RPRD1A: variants seen among roughly 807,000 people sequenced by gnomAD.
The protein encoded by RPRD1A is regulation of nuclear pre-mRNA domain-containing protein 1A.
A neutral mutation model predicts 37.8 loss-of-function variants in RPRD1A; 9 were observed. That is an observed-to-expected ratio of 0.24 (90% CI 0.14 to 0.42). The LOEUF is 0.42. Among genes scored for constraint, RPRD1A ranks in the 10% least tolerant of loss-of-function variants. The probability of loss-of-function intolerance (pLI) is 1.00; values close to 1 mark genes in which losing one functional copy is unlikely to be tolerated. For missense variants in RPRD1A, 255 were observed against 371.0 expected, an observed-to-expected ratio of 0.69 and a Z score of 2.57; for synonymous variants, 138 against 139.7, an observed-to-expected ratio of 0.99 and a Z score of 0.08.
rs570003650 is a variant in RPRD1A at position 36,021,756 on chromosome 18, T to C, written c.789+5144A>G. On this transcript the variant is annotated intron_variant, in intron 6 of 6. Transcript: ENST00000399022. Reference sequence around the variant, plus strand: ...GCTCATGCCTGTAATCTTAGCACTTTGGGAGGCTGAGGCAGGAGGACTGTT... The same window carrying C: ...GCTCATGCCTGTAATCTTAGCACTTCGGGAGGCTGAGGCAGGAGGACTGTT... Among the ~76,000 whole-genome samples, 5 of 152,252 alleles carry C rather than the reference T, an allele frequency of 3.3e-5. No individual in the cohort carries two copies. In the East Asian group the frequency reaches 7.7e-4, roughly 23 times the overall value.
chr18:36,020,953 A>G (rs1009250308), intron 6 of RPRD1A, among the ~76,000 whole-genome samples: 3 of 152,232 alleles, frequency 2.0e-5, no homozygotes, highest in Admixed American at 1.3e-4. Context: ...CAGAGCCCAT[A>G]AACAGGGCTA....
intron 6 of RPRD1A, among the ~76,000 whole-genome samples, chr18:36,016,498 C>T (rs867578088): frequency 3.9e-5 from 6 of 152,194 alleles, no homozygotes; most frequent in Admixed American, 1.3e-4. Flanking sequence ...GCTGGGATTA[C>T]AGGCATGAGC....
At chr18:36,016,896 C>A (rs1461014450) in intron 6 of RPRD1A, among the ~76,000 whole-genome samples, 1 of 152,008 alleles carries the variant, frequency 6.6e-6, no homozygotes, top group Non-Finnish European at 1.5e-5. Context: ...CAGTCTGATT[C>A]TATCCTTCTA....
chr18:36,019,723 G>T (rs1290152269), intron 6 of RPRD1A, among the ~76,000 whole-genome samples: 1 of 152,164 alleles, frequency 6.6e-6, no homozygotes, highest in Non-Finnish European at 1.5e-5. Flanking sequence ...GAGGAAAGTG[G>T]ACCACAGCAT....
At chr18:36,067,119 C>G (rs1227113586) in intron 1 of RPRD1A, 135 bp downstream of exon 1, 7 of 850,266 alleles carry the variant, frequency 8.2e-6, no homozygotes, top group Non-Finnish European at 1.1e-5. Flanking sequence ...GCACGCAGCT[C>G]CTCCAAGCCC....
intron 1 of RPRD1A, among the ~76,000 whole-genome samples, chr18:36,053,339 C>T (rs1319118486): frequency 6.6e-6 from 1 of 152,136 alleles, no homozygotes; most frequent in Admixed American, 6.5e-5. Context: ...ATTCCCCATT[C>T]CTCTCTTCAC....
intron 1 of RPRD1A, among the ~76,000 whole-genome samples, chr18:36,065,145 C>T (rs1466749784): frequency 6.6e-6 from 1 of 152,198 alleles, no homozygotes; most frequent in Non-Finnish European, 1.5e-5. Flanking sequence ...TTGAAGTCAG[C>T]GAGACCAAGA....
At chr18:36,029,624 TA>T (rs79491198) in intron 4 of RPRD1A, among the ~76,000 whole-genome samples, 10,403 of 113,042 alleles carry the variant, frequency 0.092, 322 homozygotes, top group Non-Finnish European at 0.1. Flanking sequence ...AATGCCCACT[TA>T]AAAAAAAAAA....
intron 6 of RPRD1A, among the ~76,000 whole-genome samples, chr18:35,997,378 GATGA>G (rs1429266899): frequency 6.6e-6 from 1 of 151,996 alleles, no homozygotes; most frequent in Admixed American, 6.5e-5. Context: ...TAAAAAAACT[GATGA>G]ATGAAATGTC....
At chr18:36,005,860 T>G (rs926126265) in intron 6 of RPRD1A, among the ~76,000 whole-genome samples, 1 of 152,214 alleles carries the variant, frequency 6.6e-6, no homozygotes, top group Non-Finnish European at 1.5e-5. Flanking sequence ...TTTTTTCTTT[T>G]TTTTACAACT....
intron 6 of RPRD1A, among the ~76,000 whole-genome samples, chr18:36,003,337 A>G (rs927654300): frequency 6.6e-6 from 1 of 152,220 alleles, no homozygotes; most frequent in Non-Finnish European, 1.5e-5. Flanking sequence ...GCTAATAGCT[A>G]TACTTGTTCA....
chr18:36,015,051 T>C (rs973618457), intron 6 of RPRD1A, among the ~76,000 whole-genome samples: 1 of 151,438 alleles, frequency 6.6e-6, no homozygotes, highest in Non-Finnish European at 1.5e-5. Flanking sequence ...TCAAGAAAAT[T>C]TGAAAATAGA....
intron 1 of RPRD1A, among the ~76,000 whole-genome samples, chr18:36,040,304 G>A (rs1912490466): frequency 6.6e-6 from 1 of 152,136 alleles, no homozygotes. Flanking sequence ...AGGAATAAAA[G>A]ACGACTCAAC....
chr18:35,997,558 T>C (rs553552748), intron 6 of RPRD1A, among the ~76,000 whole-genome samples: 1 of 152,306 alleles, frequency 6.6e-6, no homozygotes, highest in South Asian at 2.1e-4. Context: ...TTTTAAAAAT[T>C]ATTTTTGGAA....
chr18:36,057,260 C>T (rs1913856530), intron 1 of RPRD1A, among the ~76,000 whole-genome samples: 1 of 151,590 alleles, frequency 6.6e-6, no homozygotes, highest in African/African-American at 2.4e-5. Flanking sequence ...ATATATCACA[C>T]ACACACACAC....
At position 36,067,502 on chromosome 18, in the gene RPRD1A, C is replaced by T. The variant is rs1200509269; in HGVS notation, c.-98G>A. 7.8e-7 allele frequency: 1 copy of T among 1,280,686 alleles called. No individual in the cohort carries two copies. Among genetic ancestry groups the T allele is most frequent in the Non-Finnish European group, 1.1e-6 (1 of 934,582 alleles). The allele number at this position is 1,280,686 out of a possible 1,614,324, so 79.3% of individuals were successfully genotyped here. A position where few individuals can be genotyped will look rare whatever the true frequency, so the allele number is the denominator to read the frequency against. ...GGCCTCGCCCCCTCACCCCACCCTT[C>T]CCCACGCTCTCACCACGGCCGCCGC... On this transcript the variant is annotated 5_prime_UTR_variant, in exon 1 of 7. Coordinates refer to ENST00000399022, the MANE Select transcript of RPRD1A (RefSeq NM_018170.5).
Position 36,040,830 on chromosome 18 carries a change from C to G in RPRD1A, c.152-6993G>C, listed in dbSNP as rs1006091026. ...ACAGTAAATTCCTGTTTGACAAAAT[C>G]TCCAATTGGAATTTCTCATTTGTTG... On this transcript the variant is annotated intron_variant, in intron 1 of 6. Coordinates refer to ENST00000399022, the MANE Select transcript of RPRD1A (RefSeq NM_018170.5). 414 of 1,524,244 alleles carry G rather than the reference C, an allele frequency of 2.7e-4. 1 individual carries two copies. The highest frequency in any genetic ancestry group is 3.5e-4 in the Non-Finnish European group (402 of 1,140,854). 94.4% of individuals were successfully genotyped at this position (1,524,244 alleles called of 1,614,324 possible).
At chr18:36,038,401 G>A (rs538716915) in intron 1 of RPRD1A, among the ~76,000 whole-genome samples, 37 of 152,360 alleles carry the variant, frequency 2.4e-4, no homozygotes, top group African/African-American at 6.0e-4. Flanking sequence ...AAGCCTTGGC[G>A]GCTTCCATGT....
At chr18:36,047,786 T>C (rs75688288) in intron 1 of RPRD1A, among the ~76,000 whole-genome samples, 2,014 of 152,304 alleles carry the variant, frequency 0.013, 41 homozygotes, top group African/African-American at 0.046. Flanking sequence ...ATGAAACAGA[T>C]AATTTGAATA....
Sources: allele counts gnomAD v4.1 joint callset (sites outside exome capture counted in the v4.1 genomes callset), GRCh38; gene constraint gnomAD v4.1.1; transcripts MANE v1.5; gene names NCBI Gene and HGNC (gene_info 2026-07-23, HGNC 2026-07-21).